Variants in FNBP4 observed in about 807,000 individuals in gnomAD.
The protein encoded by FNBP4 is formin-binding protein 4.
Under a neutral mutation model 119.3 loss-of-function variants are expected in FNBP4, and 34 were observed. The ratio of observed to expected loss-of-function variants is 0.28; its 90% CI spans 0.22 to 0.38. FNBP4 has a LOEUF of 0.38. FNBP4 is among the 10% of genes least tolerant of loss of function. The pLI is 1.00. For missense variants in FNBP4, 1,112 were observed against 1,228.9 expected (o/e 0.90, Z 1.42); for synonymous variants, 462 against 430.6 (o/e 1.07, Z -0.90).
chr11:47,726,624 G>C (rs1270594331), intron 12 of FNBP4: 1 of 151,870 alleles, frequency 6.6e-6, no homozygotes, highest in East Asian at 1.9e-4. Flanking sequence ...CATAAATGCA[G>C]TTTTCTGGCT....
In FNBP4 at chr11:47,734,065, T is replaced by C. The variant is rs777351121; in HGVS notation, c.1646A>G (p.Gln549Arg). The C allele has an allele frequency of 6.3e-7, 1 of 1,593,546 alleles. No homozygotes were observed. The highest frequency in any genetic ancestry group is 1.2e-5 in the South Asian group (1 of 86,530). Reference protein sequence around the residue: ...SKFEFLGINRQSISNFHVLLL... With the variant: ...SKFEFLGINRRSISNFHVLLL... Reference sequence around the variant, plus strand: ...CAGCACATGAAAGTTGGAGATGGATTGTCTATTAATGCCTAGAAACTCGAA... The same window carrying C: ...CAGCACATGAAAGTTGGAGATGGATCGTCTATTAATGCCTAGAAACTCGAA... The change falls in exon 10 of 17, where the codon CAA becomes CGA. Residue 549 changes from glutamine to arginine, a missense_variant. Gln to Arg is a conservative substitution (Grantham distance 43). Coordinates refer to ENST00000263773, the MANE Select transcript of FNBP4 (RefSeq NM_015308.5).
chr11:47,760,127 A>G (rs759879499), intron 2 of FNBP4, among the ~76,000 whole-genome samples: 28 of 152,096 alleles, frequency 1.8e-4, no homozygotes, highest in Non-Finnish European at 3.7e-4. Context: ...CCCTTTCTTC[A>G]CCTAAGAGCT....
chr11:47,752,945 T>C lies in FNBP4; in HGVS notation c.608A>G (p.Gln203Arg). 6.2e-7 allele frequency: 1 copy of C among 1,613,836 alleles called. No homozygotes were observed. Among genetic ancestry groups the C allele is most frequent in the Non-Finnish European group, 8.5e-7 (1 of 1,179,842 alleles). The change falls in exon 4 of 17, where the codon CAA (glutamine) becomes CGA (arginine). Residue 203 changes from glutamine to arginine, a missense_variant. Physicochemically the swap from Gln to Arg is conservative, Grantham distance 43 (BLOSUM62 1). This residue lies in a region of FNBP4 where 826 missense variants were observed against 988.8 expected (regional missense o/e 0.84). Transcript: ENST00000263773. Reference protein sequence around the residue: ...GTDSTQTSGWQYDTQCSLAGV... With the variant: ...GTDSTQTSGWRYDTQCSLAGV... ...TGCCAGTGAACACTGAGTATCATAT[T>C]GCCAACCAGATGTTTGGGTGGAGTC... is the stretch of plus-strand genomic sequence containing the variant.
intron 2 of FNBP4, among the ~76,000 whole-genome samples, chr11:47,761,354 G>A (rs2097633996): frequency 6.6e-6 from 1 of 152,116 alleles, no homozygotes; most frequent in Non-Finnish European, 1.5e-5. Flanking sequence ...CAGCACTTTG[G>A]GAGGCTGAGA....
chr11:47,722,892 G>A lies in FNBP4; in HGVS notation c.2805+84C>T, dbSNP rs1034845279. ...AGGCTTAAGCCACAGTGCCCAGCCT[G>A]AAAATGGATAATTTCATGTTATGTG... On this transcript the variant is annotated intron_variant, in intron 15 of 16. Transcript: ENST00000263773. The A allele has an allele frequency of 7.9e-6, 11 of 1,400,840 alleles. No homozygotes were observed. The Admixed American group carries it at 3.0e-4, about 38-fold the overall frequency. 86.8% of individuals were successfully genotyped at this position (1,400,840 alleles called of 1,614,324 possible). A position where few individuals can be genotyped will look rare whatever the true frequency, so the allele number is the denominator to read the frequency against.
At chr11:47,722,463 A>G (rs931684043) in intron 15 of FNBP4, among the ~76,000 whole-genome samples, 3 of 152,050 alleles carry the variant, frequency 2.0e-5, no homozygotes, top group African/African-American at 7.2e-5. Flanking sequence ...AGGAGTTGAC[A>G]TGACTGAGTG....
At chr11:47,749,300 G>A (rs1400047492) in intron 6 of FNBP4, among the ~76,000 whole-genome samples, 2 of 94,734 alleles carry the variant, frequency 2.1e-5, no homozygotes, top group Admixed American at 1.4e-4. Context: ...GGAAAGGTGC[G>A]GTGGCTTGTG....
rs202020703 is a variant in FNBP4, at chr11:47,746,330, G to A, written c.971C>T (p.Ser324Leu). 100 of 1,613,936 alleles carry A rather than the reference G, an allele frequency of 6.2e-5. No homozygotes were observed. Among genetic ancestry groups the A allele is most frequent in the African/African-American group, 6.1e-4 (46 of 75,018 alleles). The change falls in exon 7 of 17, where the codon TCG becomes TTG. Residue 324 changes from serine (S) to leucine (L), a missense_variant. Ser to Leu is a moderately radical substitution (Grantham distance 145, BLOSUM62 -2). Coordinates refer to ENST00000263773, the MANE Select transcript of FNBP4 (RefSeq NM_015308.5). ...SEEEKKGVAASLLAPLLPEGI... is the reference protein window; with the variant it reads ...SEEEKKGVAALLLAPLLPEGI... ...CTCAGGCAATAAAGGAGCAAGCAGC[G>A]ATGCTGCCACCCCTTTCTTCTCCTC...
intron 8 of FNBP4, among the ~76,000 whole-genome samples, chr11:47,741,556 G>A (rs2097582028): frequency 6.6e-6 from 1 of 151,710 alleles, no homozygotes; most frequent in Non-Finnish European, 1.5e-5. Flanking sequence ...AGTGGCTCAC[G>A]CCTGTAATCC....
In FNBP4 at chr11:47,719,985, A is replaced by G. The variant is rs749368994; in HGVS notation, c.2907T>C (p.Asp969=). The change falls in exon 16 of 17, where the codon GAT becomes GAC. Residue 969 remains aspartate, a synonymous_variant. Transcript: ENST00000263773. ...EEDNSSSSEE[D]RESTAQKRIE... ...TTCGCTTCTGTGCAGTTGATTCCCG[A>G]TCCTCTTCACTGGAACTAGAATTGT... 1 of 1,613,898 alleles carries G rather than the reference A, an allele frequency of 6.2e-7. No homozygotes were observed. Among genetic ancestry groups the G allele is most frequent in the East Asian group, 2.2e-5 (1 of 44,862 alleles).
intron 7 of FNBP4, 38 bp downstream of exon 7, chr11:47,746,018 A>T: frequency 6.6e-7 from 1 of 1,520,930 alleles, no homozygotes. Context: ...AGTAGTACTG[A>T]GGAAAAAACA....
rs1473448346 is a variant in FNBP4, at chr11:47,744,193, T to C, written c.1246-30A>G. On this transcript the variant is annotated intron_variant, in intron 7 of 16. Transcript: ENST00000263773. ...AAAGAACATGACAATTAAGTTAGTG[T>C]CATTAACTGCTTATTAATATGTATA... The C allele has an allele frequency of 2.7e-6, 4 of 1,496,152 alleles. 1 individual carries two copies. The East Asian group carries it at 9.0e-5, about 34-fold the overall frequency. 92.7% of individuals were successfully genotyped at this position (1,496,152 alleles called of 1,614,324 possible).
At chr11:47,760,012 T>A (rs1599261464) in intron 2 of FNBP4, among the ~76,000 whole-genome samples, 1 of 152,136 alleles carries the variant, frequency 6.6e-6, no homozygotes, top group Admixed American at 6.6e-5. Flanking sequence ...ATAATCACTT[T>A]CAGTAAAAAG....
chr11:47,727,209 A>G (rs948049636), intron 12 of FNBP4, among the ~76,000 whole-genome samples: 3 of 152,000 alleles, frequency 2.0e-5, no homozygotes, highest in Non-Finnish European at 4.4e-5. Flanking sequence ...TTAGCCACAA[A>G]TGACGAGCAT....
At chr11:47,740,597 T>C (rs2097580513) in intron 8 of FNBP4, among the ~76,000 whole-genome samples, 1 of 127,768 alleles carries the variant, frequency 7.8e-6, no homozygotes, top group East Asian at 2.4e-4. Context: ...ACATATGTAT[T>C]TGTTTTTTTT....
At position 47,765,567 on chromosome 11, in the gene FNBP4, CGGGGGG is replaced by C. The variant is rs34848619; in HGVS notation, c.221-211_221-206del. Among the ~76,000 whole-genome samples, 23 of 36,406 alleles carry C rather than the reference CGGGGGG, an allele frequency of 6.3e-4. 6 individuals are homozygous for C. Among genetic ancestry groups the C allele is most frequent in the South Asian group, 4.3e-3 (4 of 920 alleles). The allele number at this position is 36,406 out of a possible 152,430, so 23.9% of individuals were successfully genotyped here. A position where few individuals can be genotyped will look rare whatever the true frequency, so the allele number is the denominator to read the frequency against. Reference sequence around the variant, plus strand: ...ATCCCAGCACTTTGGGAGGCCAAGACGGGGGGGGGGGGGGGCCACTTGAGGTCAGGG... The same window carrying C: ...ATCCCAGCACTTTGGGAGGCCAAGACGGGGGGGGGCCACTTGAGGTCAGGG... On this transcript the variant is annotated intron_variant, in intron 1 of 16. Transcript: ENST00000263773.
At chr11:47,722,903 A>C in intron 15 of FNBP4, 73 bp downstream of exon 15, 1 of 1,415,552 alleles carries the variant, frequency 7.1e-7, no homozygotes, top group Non-Finnish European at 9.2e-7. Flanking sequence ...AAAATGGATA[A>C]TTTCATGTTA....
chr11:47,738,247 A>G (rs1315429485), intron 8 of FNBP4, among the ~76,000 whole-genome samples: 2 of 152,244 alleles, frequency 1.3e-5, no homozygotes, highest in East Asian at 3.9e-4. Flanking sequence ...AAACTAATTC[A>G]CACAGTCTGA....
At chr11:47,720,253 A>C (rs1211847013) in intron 15 of FNBP4, among the ~76,000 whole-genome samples, 167 bp from the exon 16 acceptor site, 1 of 152,162 alleles carries the variant, frequency 6.6e-6, no homozygotes, top group Non-Finnish European at 1.5e-5. Flanking sequence ...TACCAATTAT[A>C]AACAAAAAGG....
Sources: allele counts gnomAD v4.1 joint callset (sites outside exome capture counted in the v4.1 genomes callset), GRCh38; gene constraint gnomAD v4.1.1; regional missense constraint gnomAD v4.1.1; transcripts MANE v1.5; gene names NCBI Gene and HGNC (gene_info 2026-07-23, HGNC 2026-07-21).